The following SLC14A2 variants were observed in gnomAD, a reference collection of about 807,000 sequenced individuals.
The protein encoded by SLC14A2 is urea transporter 2.
Under a neutral mutation model 104.6 loss-of-function variants are expected in SLC14A2, and 91 were observed. That is an observed-to-expected ratio of 0.87 (90% CI 0.73 to 1.04). SLC14A2 has a LOEUF of 1.04. Among genes scored for constraint, SLC14A2 ranks in the 50% least tolerant of loss-of-function variants. SLC14A2 has a pLI of 0.00. For missense variants in SLC14A2, 1,189 were observed against 1,156.0 expected, an observed-to-expected ratio of 1.03 and a Z score of -0.41; for synonymous variants, 476 against 466.4, an observed-to-expected ratio of 1.02 and a Z score of -0.27.
At chr18:45,530,055 G>A (rs911669597) in intron 2 of SLC14A2, among the ~76,000 whole-genome samples, 1 of 152,068 alleles carries the variant, frequency 6.6e-6, no homozygotes, top group Non-Finnish European at 1.5e-5. Context: ...TCAAGGACTC[G>A]TTAGGAAACA....
intron 1 of SLC14A2, among the ~76,000 whole-genome samples, chr18:45,385,441 A>G (rs1241315745): frequency 2.0e-5 from 3 of 152,216 alleles, no homozygotes; most frequent in South Asian, 2.1e-4. Flanking sequence ...AAATCAGCAG[A>G]AAGTAGAACT....
the SLC14A2 span, among the ~76,000 whole-genome samples, chr18:45,190,523 G>T: frequency 6.6e-6 from 1 of 152,142 alleles, no homozygotes; most frequent in Non-Finnish European, 1.5e-5. Flanking sequence ...GTGAGCAGTT[G>T]GGTTTGAGGA....
At chr18:45,203,854 A>G in the SLC14A2 span, among the ~76,000 whole-genome samples, 1 of 152,252 alleles carries the variant, frequency 6.6e-6, no homozygotes, top group Middle Eastern at 3.2e-3. Flanking sequence ...TCTTGCCTAC[A>G]GTATTTCACC....
Position 45,542,059 on chromosome 18 carries a change from T to G in SLC14A2, c.-35+58737T>G, listed in dbSNP as rs899761926. ...GGTTTTTTTTTTTTTTTTTTTTTTT[T>G]TTTTTTTTTTTTTGCTTTTGAGTTT... On this transcript the variant is annotated intron_variant, in intron 2 of 20. Transcript: ENST00000586448. 3.1e-3 allele frequency among the ~76,000 whole-genome samples: 431 copies of G among 139,220 alleles called. 5 individuals carry two copies. The highest frequency in any genetic ancestry group is 0.01 in the African/African-American group (390 of 38,194). 91.3% of individuals were successfully genotyped at this position (139,220 alleles called of 152,430 possible).
chr18:45,333,822 C>CAAGCACTGA (rs1316098098), intron 1 of SLC14A2, among the ~76,000 whole-genome samples: 7 of 152,174 alleles, frequency 4.6e-5, no homozygotes, highest in African/African-American at 1.7e-4. Context: ...TATTGAGTGC[C>CAAGCACTGA]AAGCACTGAG....
intron 2 of SLC14A2, among the ~76,000 whole-genome samples, chr18:45,530,477 A>G (rs2043666497): frequency 6.6e-6 from 1 of 152,106 alleles, no homozygotes; most frequent in Non-Finnish European, 1.5e-5. Flanking sequence ...TTTATATCTC[A>G]TACTATCAGC....
Position 45,641,338 on chromosome 18 carries a change from T to A in SLC14A2, c.1121T>A (p.Ile374Asn), listed in dbSNP as rs1449040489. 1.2e-6 allele frequency: 2 copies of A among 1,614,198 alleles called. No individual in the cohort carries two copies. The highest frequency in any genetic ancestry group is 2.2e-5 in the South Asian group (2 of 91,078). Reference sequence around the variant, plus strand: ...TGGCAGACTCACCTGCTGGCCCTCATCTGTGGTAGGTGTTCAGAAAAGCTG... The same window carrying A: ...TGGCAGACTCACCTGCTGGCCCTCAACTGTGGTAGGTGTTCAGAAAAGCTG... ...LTWQTHLLAL[I>N]CALFCAYMEA... is the part of the protein sequence containing the mutation. Residue 374 changes from isoleucine to asparagine, a missense_variant, in exon 8 of 20, where the codon ATC becomes AAC. Ile to Asn is a moderately radical substitution (Grantham distance 149). Coordinates refer to ENST00000255226, the MANE Select transcript of SLC14A2 (RefSeq NM_007163.4).
intron 10 of SLC14A2, among the ~76,000 whole-genome samples, chr18:45,657,778 A>G (rs2045866567): frequency 6.6e-6 from 1 of 152,202 alleles, no homozygotes; most frequent in Non-Finnish European, 1.5e-5. Context: ...GCTGGACAAG[A>G]TCATCTCAAA....
chr18:45,617,037 G>A (rs1244656516), intron 1 of SLC14A2, among the ~76,000 whole-genome samples: 1 of 152,156 alleles, frequency 6.6e-6, no homozygotes, highest in Admixed American at 6.5e-5. Context: ...GGTGGAGGTT[G>A]CAGGGAGCCG....
chr18:45,618,598 G>A (rs987941461), intron 1 of SLC14A2, among the ~76,000 whole-genome samples: 3 of 149,336 alleles, frequency 2.0e-5, no homozygotes, highest in Non-Finnish European at 4.4e-5. Context: ...GAACCTGGGA[G>A]GAGGAGGTTG....
chr18:45,184,754 A>G, the SLC14A2 span, among the ~76,000 whole-genome samples: 1 of 152,238 alleles, frequency 6.6e-6, no homozygotes, highest in East Asian at 1.9e-4. Flanking sequence ...ATAATGGATT[A>G]AACAATAAAA....
intron 1 of SLC14A2, among the ~76,000 whole-genome samples, chr18:45,249,134 A>T (rs2084395930): frequency 1.3e-5 from 2 of 152,224 alleles, no homozygotes; most frequent in African/African-American, 4.8e-5. Context: ...AAGCAGCTTC[A>T]CTTGGGAGCA....
At chr18:45,515,906 A>G (rs2043433871) in intron 2 of SLC14A2, among the ~76,000 whole-genome samples, 1 of 152,242 alleles carries the variant, frequency 6.6e-6, no homozygotes, top group Non-Finnish European at 1.5e-5. Flanking sequence ...GAAGTTATCC[A>G]TGGAACATAG....
chr18:45,245,523 G>A (rs756663600), intron 1 of SLC14A2, among the ~76,000 whole-genome samples: 7 of 152,168 alleles, frequency 4.6e-5, no homozygotes, highest in African/African-American at 9.7e-5. Flanking sequence ...AACAAAACCT[G>A]TTGGCCATTT....
At position 45,673,683 on chromosome 18, in the gene SLC14A2, C is replaced by T. The variant is rs1053771326; in HGVS notation, c.2378C>T (p.Ala793Val). 2 of 1,613,884 alleles carry T rather than the reference C, an allele frequency of 1.2e-6. No homozygotes were observed. The highest frequency in any genetic ancestry group is 1.7e-6 in the Non-Finnish European group (2 of 1,179,806). Residue 793 changes from alanine (A) to valine (V), a missense_variant and splice_region_variant, in exon 18 of 20, where the codon GCA (alanine) becomes GTA (valine). By Grantham distance (64) the Ala-to-Val change is moderately conservative (BLOSUM62 0). Coordinates refer to ENST00000255226, the MANE Select transcript of SLC14A2 (RefSeq NM_007163.4). ...CCCTGATGCCTGCCTTCTGTCACAG[C>T]ACTCACTATTGCGACGCCCTTTGAC... ...AIGSTMGMLA[A>V]LTIATPFDSI...
At chr18:45,539,158 A>G (rs894236456) in intron 2 of SLC14A2, among the ~76,000 whole-genome samples, 4 of 29,194 alleles carry the variant, frequency 1.4e-4, no homozygotes, top group African/African-American at 2.5e-4. Flanking sequence ...GGAAAGAGCA[A>G]TGGACTCTAG....
intron 1 of SLC14A2, among the ~76,000 whole-genome samples, chr18:45,217,929 C>G (rs898494864): frequency 5.9e-5 from 9 of 152,236 alleles, no homozygotes; most frequent in East Asian, 5.8e-4. Context: ...CTTCAAATAC[C>G]AGTTATTCAG....
intron 1 of SLC14A2, among the ~76,000 whole-genome samples, chr18:45,268,416 TC>T (rs1235055975): frequency 8.5e-5 from 13 of 152,188 alleles, no homozygotes; most frequent in Admixed American, 8.5e-4. Context: ...AAAAACAGTC[TC>T]TAATACAGGA....
At chr18:45,285,181 G>A (rs1465944597) in intron 1 of SLC14A2, among the ~76,000 whole-genome samples, 1 of 152,172 alleles carries the variant, frequency 6.6e-6, no homozygotes, top group Non-Finnish European at 1.5e-5. Flanking sequence ...AATAGAGACA[G>A]ACTATAGAGG....
Sources: allele counts gnomAD v4.1 joint callset (sites outside exome capture counted in the v4.1 genomes callset), GRCh38; gene constraint gnomAD v4.1.1; transcripts MANE v1.5; gene names NCBI Gene and HGNC (gene_info 2026-07-23, HGNC 2026-07-21).